The following SOX6 variants were observed in gnomAD, a reference collection of about 807,000 sequenced individuals.
The protein encoded by SOX6 is SRY-box transcription factor 6, also known as transcription factor SOX-6.
Under a neutral mutation model 97.8 loss-of-function variants are expected in SOX6, and 11 were observed. The ratio of observed to expected loss-of-function variants is 0.11; its 90% confidence interval spans 0.07 to 0.19. SOX6 has a LOEUF of 0.19. Among genes scored for constraint, SOX6 ranks in the 10% least tolerant of loss-of-function variants. The pLI, the probability that SOX6 is intolerant of heterozygous loss-of-function variation, is 1.00. For missense variants in SOX6, 810 were observed against 1,039.5 expected (o/e 0.78, Z 3.04); for synonymous variants, 360 against 371.4 (o/e 0.97, Z 0.35).
chr11:16,267,118 A>G (rs1854103554), intron 3 of SOX6, among the ~76,000 whole-genome samples: 1 of 151,588 alleles, frequency 6.6e-6, no homozygotes, highest in African/African-American at 2.4e-5. Context: ...AAACTATACA[A>G]CACTTGTCTG....
chr11:16,325,086 A>T (rs902596782), intron 2 of SOX6, among the ~76,000 whole-genome samples: 2 of 152,144 alleles, frequency 1.3e-5, no homozygotes, highest in Non-Finnish European at 2.9e-5. Context: ...GAGTATTGGG[A>T]CAACAGATAA....
intron 1 of SOX6, among the ~76,000 whole-genome samples, chr11:16,399,346 T>TTTTATTTTATTTTA (rs1858479508): frequency 6.7e-6 from 1 of 149,978 alleles, no homozygotes; most frequent in African/African-American, 2.5e-5. Flanking sequence ...TTTTATATTA[T>TTTTATTTTATTTTA]TTTTATTTTA....
intron 4 of SOX6, among the ~76,000 whole-genome samples, chr11:16,481,538 A>C (rs1397011978): frequency 6.6e-6 from 1 of 152,142 alleles, no homozygotes; most frequent in Non-Finnish European, 1.5e-5. Context: ...TATTGAAGCT[A>C]CCTCATAATA....
upstream of SOX6, among the ~76,000 whole-genome samples, chr11:16,357,455 G>T (rs149523598): frequency 6.6e-6 from 1 of 152,204 alleles, no homozygotes; most frequent in African/African-American, 2.4e-5. Flanking sequence ...GTCGGCAATT[G>T]TTAGTACTTA....
intron 3 of SOX6, among the ~76,000 whole-genome samples, chr11:16,656,309 C>T (rs1027529866): frequency 2.0e-5 from 3 of 152,114 alleles, no homozygotes; most frequent in Non-Finnish European, 4.4e-5. Flanking sequence ...ATCTCCTGAC[C>T]TCATGATCCG....
At chr11:16,433,155 T>G (rs891521698) in intron 1 of SOX6, among the ~76,000 whole-genome samples, 6 of 152,042 alleles carry the variant, frequency 3.9e-5, no homozygotes, top group African/African-American at 1.4e-4. Flanking sequence ...CCTGAAATTA[T>G]AAAGAGAGGT....
intron 1 of SOX6, among the ~76,000 whole-genome samples, chr11:16,363,161 A>G (rs1446544225): frequency 6.6e-6 from 1 of 152,188 alleles, no homozygotes; most frequent in Admixed American, 6.5e-5. Context: ...TAAGATTCTT[A>G]AATTGCAAAC....
chr11:16,637,722 T>A (rs1391778849), intron 3 of SOX6, among the ~76,000 whole-genome samples: 1 of 152,156 alleles, frequency 6.6e-6, no homozygotes, highest in Non-Finnish European at 1.5e-5. Context: ...GTCACGGATA[T>A]GTCTGGATCC....
chr11:16,270,090 T>A (rs952510657), intron 3 of SOX6: 4 of 151,276 alleles, frequency 2.6e-5, no homozygotes, highest in African/African-American at 9.7e-5. Context: ...TAATCAATAA[T>A]ATCTGATAAG....
intron 4 of SOX6, among the ~76,000 whole-genome samples, chr11:16,219,380 A>G (rs966127491): frequency 6.6e-6 from 1 of 152,080 alleles, no homozygotes; most frequent in Non-Finnish European, 1.5e-5. Context: ...TGTCAGGCCC[A>G]TTCTAATTTT....
At chr11:16,044,472 C>T (rs61000891) in intron 12 of SOX6, among the ~76,000 whole-genome samples, 3,651 of 152,072 alleles carry the variant, frequency 0.024, 146 homozygotes, top group African/African-American at 0.083. Flanking sequence ...TTAATATTTA[C>T]CCTCTTTGGC....
intron 4 of SOX6, among the ~76,000 whole-genome samples, chr11:16,199,622 T>C (rs1423278324): frequency 9.2e-5 from 14 of 152,184 alleles, no homozygotes. Context: ...TTTTAAAACA[T>C]TAAAGTACGC....
chr11:16,551,360 T>C (rs1055933463), intron 4 of SOX6, among the ~76,000 whole-genome samples: 2 of 151,844 alleles, frequency 1.3e-5, no homozygotes, highest in African/African-American at 4.8e-5. Context: ...TTAAAATAAA[T>C]AAATAAATAA....
chr11:16,310,855 T>C (rs1274831122), intron 3 of SOX6, among the ~76,000 whole-genome samples: 1 of 152,110 alleles, frequency 6.6e-6, no homozygotes, highest in Non-Finnish European at 1.5e-5. Flanking sequence ...GGTAAAAACC[T>C]AATATCCACA....
intron 6 of SOX6, among the ~76,000 whole-genome samples, chr11:16,140,764 T>C (rs1002431532): frequency 1.2e-4 from 18 of 152,228 alleles, no homozygotes; most frequent in Non-Finnish European, 2.2e-4. Context: ...CCCAGGAACC[T>C]AGCTATTGGG....
chr11:16,299,303 T>C (rs1855184808), intron 3 of SOX6, among the ~76,000 whole-genome samples: 1 of 152,188 alleles, frequency 6.6e-6, no homozygotes, highest in Non-Finnish European at 1.5e-5. Context: ...ATGATAACAA[T>C]GTATTTTATC....
intron 7 of SOX6, among the ~76,000 whole-genome samples, chr11:16,099,075 T>G (rs1848873723): frequency 6.6e-6 from 1 of 151,786 alleles, no homozygotes; most frequent in African/African-American, 2.4e-5. Context: ...AGTGTGTGCT[T>G]GTACACAGTC....
At chr11:16,035,881 C>G (rs1363977247) in intron 12 of SOX6, among the ~76,000 whole-genome samples, 2 of 152,076 alleles carry the variant, frequency 1.3e-5, no homozygotes, top group Non-Finnish European at 2.9e-5. Context: ...CCACCATAAG[C>G]ATCTTAGGAC....
At chr11:16,133,016 T>A (rs1325413617) in intron 6 of SOX6, among the ~76,000 whole-genome samples, 2 of 152,122 alleles carry the variant, frequency 1.3e-5, no homozygotes, top group Non-Finnish European at 2.9e-5. Flanking sequence ...AATAAGAGAA[T>A]TGATGTTAAA....
Sources: gnomAD v4.1 joint callset for allele counts (sites outside exome capture counted in the v4.1 genomes callset) on GRCh38, gnomAD v4.1.1 for gene constraint, MANE v1.5 for transcripts, NCBI Gene and HGNC (gene_info 2026-07-23, HGNC 2026-07-21) for gene names.